Variants in PALS1 observed in about 807,000 individuals in gnomAD.
PALS1 encodes protein PALS1.
PALS1 carries 31 observed loss-of-function variants against 78.9 expected under a neutral mutation model. The ratio of observed to expected loss-of-function variants is 0.39; its 90% CI spans 0.30 to 0.53. PALS1 has a LOEUF of 0.53. Ranked by LOEUF, PALS1 falls within the 20% of genes least tolerant of loss-of-function variation. The pLI, the probability that PALS1 is intolerant of heterozygous loss-of-function variation, is 0.67. For missense variants in PALS1, 704 were observed against 826.5 expected, an observed-to-expected ratio of 0.85 and a Z score of 1.82; for synonymous variants, 276 against 270.9, an observed-to-expected ratio of 1.02 and a Z score of -0.18.
intron 1 of PALS1, among the ~76,000 whole-genome samples, chr14:67,259,607 C>T (rs1245409248): frequency 6.6e-6 from 1 of 151,828 alleles, no homozygotes; most frequent in Non-Finnish European, 1.5e-5. Flanking sequence ...GCAAGACTGT[C>T]TCTAAATAAA....
At chr14:67,261,950 G>A (rs2084244993) in intron 1 of PALS1, among the ~76,000 whole-genome samples, 1 of 152,074 alleles carries the variant, frequency 6.6e-6, no homozygotes. Flanking sequence ...GGCAAAAAAA[G>A]GATGGGATTT....
rs2084931713 is a variant in PALS1 at position 67,301,447 on chromosome 14, T to C, written c.635T>C (p.Leu212Pro). The part of the protein sequence containing the change: ...HKEGQELTAL[L>P]NTPHIQALLL... ...GAAGGACAAGAACTAACTGCTTTGC[T>C]GAATACTCCACATATTCAGGTAGAA... is the stretch of plus-strand genomic sequence containing the variant. The change falls in exon 5 of 15, where the codon CTG (leucine) becomes CCG (proline). Residue 212 changes from leucine to proline, a missense_variant. By Grantham distance (98) the Leu-to-Pro change is moderately conservative. Coordinates refer to ENST00000261681, the MANE Select transcript of PALS1 (RefSeq NM_022474.4). 1.2e-5 allele frequency: 20 copies of C among 1,610,492 alleles called. No homozygotes were observed. The highest frequency in any genetic ancestry group is 1.7e-5 in the Non-Finnish European group (20 of 1,177,776).
At chr14:67,326,621 A>G (rs1340457524) in intron 14 of PALS1, among the ~76,000 whole-genome samples, 1 of 152,090 alleles carries the variant, frequency 6.6e-6, no homozygotes, top group Non-Finnish European at 1.5e-5. Flanking sequence ...GCCCCTTTGA[A>G]GTTAATACCC....
At chr14:67,332,329 T>C (rs1412489653) in intron 14 of PALS1, among the ~76,000 whole-genome samples, 1 of 152,146 alleles carries the variant, frequency 6.6e-6, no homozygotes, top group Non-Finnish European at 1.5e-5. Context: ...CAGCAGATAG[T>C]ATAGGGCAAG....
chr14:67,318,423 ATC>A (rs1473577572), intron 11 of PALS1, among the ~76,000 whole-genome samples: 4 of 152,188 alleles, frequency 2.6e-5, no homozygotes, highest in East Asian at 1.9e-4. Context: ...TGTGATTAAT[ATC>A]TCTTTTATTT....
At chr14:67,308,568 CAG>C (rs2085044264) in intron 8 of PALS1, among the ~76,000 whole-genome samples, 1 of 135,226 alleles carries the variant, frequency 7.4e-6, no homozygotes, top group Non-Finnish European at 1.5e-5. Context: ...TTTTTGGAGA[CAG>C]AGTTTCACTC....
intron 14 of PALS1, among the ~76,000 whole-genome samples, chr14:67,330,313 CTTAATTT>C (rs1483751506): frequency 6.6e-6 from 1 of 151,668 alleles, no homozygotes; most frequent in Non-Finnish European, 1.5e-5. Flanking sequence ...AAGATGAATG[CTTAATTT>C]TTAAACTCTT....
rs1444333566 is a variant in PALS1 at position 67,259,292 on chromosome 14, T to TA, written c.-236-10403dup. ...TACTTTAGCCCAAAGTGAATGAAAG[T>TA]AAAAAATAATGGACTACTTTTAAGT... On this transcript the variant is annotated intron_variant, in intron 1 of 14. Coordinates refer to ENST00000261681, the MANE Select transcript of PALS1 (RefSeq NM_022474.4). Among the ~76,000 whole-genome samples the TA allele has an allele frequency of 2.6e-5, 4 of 152,030 alleles. No homozygotes were observed. In the South Asian group the frequency reaches 6.2e-4, roughly 24 times the overall value.
At chr14:67,319,143 C>A (rs2085225034) in intron 11 of PALS1, among the ~76,000 whole-genome samples, 1 of 151,762 alleles carries the variant, frequency 6.6e-6, no homozygotes, top group Non-Finnish European at 1.5e-5. Flanking sequence ...GGAATTTAAA[C>A]AAGTGTAGTT....
chr14:67,250,538 G>C lies in PALS1; in HGVS notation c.-237+9005G>C, dbSNP rs141310544. 2.4e-4 allele frequency among the ~76,000 whole-genome samples: 37 copies of C among 152,278 alleles called. 1 individual carries two copies. Among genetic ancestry groups the C allele is most frequent in the Admixed American group, 1.9e-3 (29 of 15,298 alleles). ...GTCTAATATTAAACAAAAAATTCTA[G>C]TTAAACAGATTGTTTTGTGATTCTG... On this transcript the variant is annotated intron_variant, in intron 1 of 14. Transcript: ENST00000261681.
intron 3 of PALS1, among the ~76,000 whole-genome samples, chr14:67,290,755 C>T (rs776441052): frequency 9.2e-5 from 14 of 151,928 alleles, no homozygotes; most frequent in Non-Finnish European, 1.6e-4. Context: ...GGCTGGTCTC[C>T]ACCTCCTGGA....
Position 67,321,273 on chromosome 14 carries a change from T to C in PALS1, c.1740+14T>C. On this transcript the variant is annotated intron_variant, in intron 13 of 14. Transcript: ENST00000261681. ...CTTCGTACACAGGTAAAGCTAGAAC[T>C]TTGTTTTAGGGTTTGAACTTAGAAG... is the stretch of plus-strand genomic sequence containing the variant. 1 of 1,613,028 alleles carries C rather than the reference T, an allele frequency of 6.2e-7. No homozygotes were observed. Among genetic ancestry groups the C allele is most frequent in the Middle Eastern group, 1.7e-4 (1 of 6,060 alleles).
At chr14:67,286,428 T>C (rs1213820894) in intron 3 of PALS1, among the ~76,000 whole-genome samples, 1 of 152,192 alleles carries the variant, frequency 6.6e-6, no homozygotes, top group African/African-American at 2.4e-5. Flanking sequence ...ACAGGACTGA[T>C]TTAGTTACAT....
intron 8 of PALS1, among the ~76,000 whole-genome samples, chr14:67,309,124 T>C (rs1207020087): frequency 6.6e-6 from 1 of 152,192 alleles, no homozygotes; most frequent in Non-Finnish European, 1.5e-5. Flanking sequence ...TTTGATCAGA[T>C]ATACTGTTCT....
chr14:67,335,213 T>G lies in PALS1; in HGVS notation c.*2257T>G, dbSNP rs1003098007. ...TAGAAATGTCCTAAACTTTTCTAAA[T>G]CCTAGTGATGAGGATGTGCTGATAT... On this transcript the variant is annotated 3_prime_UTR_variant, in exon 15 of 15. Transcript: ENST00000261681. 1 of 152,222 alleles carries G rather than the reference T, an allele frequency of 6.6e-6. No individual in the cohort carries two copies. Among genetic ancestry groups the G allele is most frequent in the Non-Finnish European group, 1.5e-5 (1 of 68,034 alleles). The allele number at this position is 152,222 out of a possible 1,614,324, so 9.4% of individuals were successfully genotyped here. A position where few individuals can be genotyped will look rare whatever the true frequency, so the allele number is the denominator to read the frequency against.
chr14:67,325,038 G>T (rs963984426), intron 14 of PALS1, among the ~76,000 whole-genome samples: 2 of 151,152 alleles, frequency 1.3e-5, no homozygotes, highest in Non-Finnish European at 2.9e-5. Flanking sequence ...CCTAGCAGCT[G>T]GGACTACAGG....
intron 3 of PALS1, among the ~76,000 whole-genome samples, chr14:67,281,099 A>G (rs769793683): frequency 4.7e-4 from 71 of 151,904 alleles, no homozygotes; most frequent in Admixed American, 8.5e-4. Flanking sequence ...GGGTTTCACC[A>G]TGTTGGTCAG....
chr14:67,284,080 A>G (rs2084641258), intron 3 of PALS1, among the ~76,000 whole-genome samples: 1 of 152,318 alleles, frequency 6.6e-6, no homozygotes, highest in East Asian at 1.9e-4. Flanking sequence ...GACCAAATGA[A>G]AAAAGCATTT....
chr14:67,321,201 A>T lies in PALS1; in HGVS notation c.1682A>T (p.Asp561Val). 2.5e-6 allele frequency: 4 copies of T among 1,614,222 alleles called. No homozygotes were observed. The highest frequency in any genetic ancestry group is 3.4e-6 in the Non-Finnish European group (4 of 1,180,040). The part of the protein sequence containing the change: ...FEKNLYGTSI[D>V]SVRQVINSGK... ...AAGAATTTGTATGGAACTAGCATAG[A>T]TTCTGTACGGCAAGTGATCAACTCT... Residue 561 changes from aspartate to valine, a missense_variant, in exon 13 of 15, where the codon GAT becomes GTT. By Grantham distance (152) the Asp-to-Val change is radical. Coordinates refer to ENST00000261681, the MANE Select transcript of PALS1 (RefSeq NM_022474.4).
Sources: allele counts gnomAD v4.1 joint callset (sites outside exome capture counted in the v4.1 genomes callset), GRCh38; gene constraint gnomAD v4.1.1; transcripts MANE v1.5; gene names NCBI Gene and HGNC (gene_info 2026-07-23, HGNC 2026-07-21).